TENM3: variants seen among roughly 807,000 people sequenced by gnomAD.
TENM3 encodes teneurin transmembrane protein 3.
In TENM3, 63 loss-of-function variants were observed where a neutral mutation model predicts 255.1. The ratio of observed to expected loss-of-function variants is 0.25; its 90% CI spans 0.20 to 0.30. The LOEUF (loss-of-function observed/expected upper bound fraction) is 0.30, where lower values mean the gene tolerates loss of function less well. TENM3 is among the 10% of genes least tolerant of loss of function. TENM3 has a pLI of 1.00. For synonymous variants in TENM3, 1,306 were observed against 1,322.3 expected, an observed-to-expected ratio of 0.99 and a Z score of 0.27; for missense variants, 2,929 against 3,461.1, an observed-to-expected ratio of 0.85 and a Z score of 3.86.
chr4:181,843,689 TGA>T, the TENM3 span, among the ~76,000 whole-genome samples: 3 of 150,874 alleles, frequency 2.0e-5, no homozygotes, highest in African/African-American at 7.3e-5. Flanking sequence ...AATTTGAGAG[TGA>T]GGCACCGCCT....
At chr4:182,042,260 G>T in the TENM3 span, among the ~76,000 whole-genome samples, 1 of 152,088 alleles carries the variant, frequency 6.6e-6, no homozygotes, top group Non-Finnish European at 1.5e-5. Flanking sequence ...AGCTCAATGC[G>T]TTTTCTCAAA....
upstream of TENM3, among the ~76,000 whole-genome samples, chr4:182,140,250 G>T (rs955775764): frequency 6.6e-6 from 1 of 152,210 alleles, no homozygotes; most frequent in African/African-American, 2.4e-5. Flanking sequence ...CCTAGAATTT[G>T]GGTTTTGCTC....
the TENM3 span, among the ~76,000 whole-genome samples, chr4:181,685,701 G>A: frequency 4.6e-5 from 7 of 152,032 alleles, no homozygotes; most frequent in African/African-American, 1.7e-4. Flanking sequence ...TGGGCACCCT[G>A]CCCCCACCCA....
At chr4:182,161,650 T>C (rs1437546045) in intron 1 of TENM3, among the ~76,000 whole-genome samples, 2 of 107,706 alleles carry the variant, frequency 1.9e-5, no homozygotes, top group Admixed American at 2.1e-4. Context: ...TATATATATA[T>C]ATACACACAC....
the TENM3 span, among the ~76,000 whole-genome samples, chr4:181,756,151 C>A: frequency 1.3e-5 from 2 of 152,030 alleles, no homozygotes; most frequent in Non-Finnish European, 2.9e-5. Flanking sequence ...CAAAGGGTGA[C>A]GGGGACAAAA....
At chr4:182,172,764 C>A (rs967935867) in intron 1 of TENM3, among the ~76,000 whole-genome samples, 1 of 152,104 alleles carries the variant, frequency 6.6e-6, no homozygotes, top group Non-Finnish European at 1.5e-5. Flanking sequence ...AACAGAATAT[C>A]TTGGTGGATA....
chr4:181,960,918 CG>C, the TENM3 span, among the ~76,000 whole-genome samples: 1 of 152,114 alleles, frequency 6.6e-6, no homozygotes, highest in East Asian at 1.9e-4. Flanking sequence ...AGAATACCAC[CG>C]GCTGATCACA....
intron 3 of TENM3, among the ~76,000 whole-genome samples, chr4:182,572,115 T>G: frequency 6.6e-6 from 1 of 152,170 alleles, no homozygotes; most frequent in East Asian, 1.9e-4. Flanking sequence ...TTGGCCAGGC[T>G]GGTCTGGAAC....
chr4:181,522,616 T>G, the TENM3 span: 2 of 511,148 alleles, frequency 3.9e-6, 1 homozygote, highest in Middle Eastern at 1.2e-3. Context: ...GCATCTATTC[T>G]TCTTGAGGTC....
rs1413618322 is a variant in TENM3, at chr4:182,770,104, C to T, written c.4893-3368C>T. On this transcript the variant is annotated intron_variant, in intron 22 of 27. Coordinates refer to ENST00000511685, the MANE Select transcript of TENM3 (RefSeq NM_001080477.4). ...CTGGGCGACAGAGTGAGACTTGTCT[C>T]GAAAAAAAAAAAAAAAAACAGTTCT... Among the ~76,000 whole-genome samples, 12 of 111,262 alleles carry T rather than the reference C, an allele frequency of 1.1e-4. No homozygotes were observed. The South Asian group carries it at 1.9e-3, about 18-fold the overall frequency. 73.0% of individuals were successfully genotyped at this position (111,262 alleles called of 152,430 possible). A position where few individuals can be genotyped will look rare whatever the true frequency, so the allele number is the denominator to read the frequency against.
chr4:181,820,437 G>A, the TENM3 span: 2 of 151,452 alleles, frequency 1.3e-5, no homozygotes, highest in African/African-American at 4.9e-5. Flanking sequence ...TATTTTCTTA[G>A]TTGCAATGAT....
At chr4:182,058,213 G>A in the TENM3 span, among the ~76,000 whole-genome samples, 1 of 151,732 alleles carries the variant, frequency 6.6e-6, no homozygotes, top group African/African-American at 2.4e-5. Flanking sequence ...AATTCCACTG[G>A]AATACATTTG....
chr4:182,190,412 T>G (rs938747155), intron 1 of TENM3: 6 of 152,216 alleles, frequency 3.9e-5, no homozygotes, highest in Non-Finnish European at 7.3e-5. Context: ...AACCTTGCGC[T>G]AACAGCCGGA....
chr4:181,801,205 T>G, the TENM3 span, among the ~76,000 whole-genome samples: 8 of 148,380 alleles, frequency 5.4e-5, no homozygotes, highest in Admixed American at 2.7e-4. Context: ...TTGGCTTTTT[T>G]TGTGGACTTT....
At chr4:182,338,252 G>A (rs189631199) in intron 2 of TENM3, among the ~76,000 whole-genome samples, 1 of 152,276 alleles carries the variant, frequency 6.6e-6, no homozygotes, top group East Asian at 1.9e-4. Context: ...TGTCTCTACT[G>A]AACCATAACC....
chr4:181,468,772 G>A, the TENM3 span, among the ~76,000 whole-genome samples: 2 of 152,152 alleles, frequency 1.3e-5, no homozygotes, highest in Non-Finnish European at 2.9e-5. Context: ...CTTTTTGTAA[G>A]TGTTTTATTT....
the TENM3 span, among the ~76,000 whole-genome samples, chr4:181,609,599 C>T: frequency 1.3e-5 from 2 of 152,196 alleles, no homozygotes; most frequent in South Asian, 2.1e-4. Context: ...CTCCGTGCTT[C>T]GTTCCATAGT....
chr4:182,149,015 G>A (rs1231214667), intron 1 of TENM3, among the ~76,000 whole-genome samples: 1 of 151,796 alleles, frequency 6.6e-6, no homozygotes. Flanking sequence ...TATATCCGTA[G>A]TATATATGAT....
chr4:181,499,895 G>C, the TENM3 span, among the ~76,000 whole-genome samples: 15 of 152,160 alleles, frequency 9.9e-5, no homozygotes, highest in African/African-American at 3.6e-4. Flanking sequence ...TTTCAGAAGT[G>C]GCGCAGTCTA....
Sources: gnomAD v4.1 joint callset for allele counts (sites outside exome capture counted in the v4.1 genomes callset) on GRCh38, gnomAD v4.1.1 for gene constraint, MANE v1.5 for transcripts, NCBI Gene and HGNC (gene_info 2026-07-23, HGNC 2026-07-21) for gene names.